NKD1: variants seen among roughly 807,000 people sequenced by gnomAD.
NKD1 encodes the protein NKD inhibitor of Wnt signaling pathway 1.
A neutral mutation model predicts 56.0 loss-of-function variants in NKD1; 21 were observed. The observed-to-expected ratio is 0.38, with a 90% CI of 0.27 to 0.54. The LOEUF (loss-of-function observed/expected upper bound fraction) is 0.54, where lower values mean the gene tolerates loss of function less well. Ranked by LOEUF, NKD1 falls within the 20% of genes least tolerant of loss-of-function variation. NKD1 has a pLI of 0.82. For synonymous variants in NKD1, 263 were observed against 265.7 expected (o/e 0.99, Z 0.10); for missense variants, 578 against 642.7 (o/e 0.90, Z 1.09).
At chr16:50,608,254 C>T in intron 3 of NKD1, 40 bp from the exon 4 acceptor site, 1 of 1,469,944 alleles carries the variant, frequency 6.8e-7, no homozygotes. Flanking sequence ...ACTGGGCTCC[C>T]CCAACCCCTG....
At chr16:50,548,956 C>A in intron 2 of NKD1, 1 of 968,398 alleles carries the variant, frequency 1.0e-6, no homozygotes, top group Non-Finnish European at 1.2e-6. Flanking sequence ...GCGCTCCCAC[C>A]GCTGACCCTC....
intron 3 of NKD1, among the ~76,000 whole-genome samples, chr16:50,564,999 A>G (rs953937081): frequency 6.6e-5 from 10 of 152,194 alleles, no homozygotes; most frequent in African/African-American, 2.2e-4. Context: ...CAGACAGCAG[A>G]AGCTGTCTTG....
At chr16:50,570,067 A>G (rs1205089918) in intron 3 of NKD1, among the ~76,000 whole-genome samples, 1 of 152,208 alleles carries the variant, frequency 6.6e-6, no homozygotes, top group African/African-American at 2.4e-5. Context: ...AAGGAAAAGT[A>G]TGTCAACTTT....
intron 3 of NKD1, among the ~76,000 whole-genome samples, chr16:50,554,490 G>A (rs1960458375): frequency 6.6e-6 from 1 of 152,110 alleles, no homozygotes; most frequent in Non-Finnish European, 1.5e-5. Context: ...CTCTTCCCTG[G>A]TCAGCTTCTT....
intron 3 of NKD1, among the ~76,000 whole-genome samples, chr16:50,599,552 G>A (rs777171860): frequency 6.6e-6 from 1 of 152,302 alleles, no homozygotes; most frequent in South Asian, 2.1e-4. Flanking sequence ...GCACTTGGTC[G>A]GTGATGCCCC....
At chr16:50,591,452 G>A (rs1024467868) in intron 3 of NKD1, among the ~76,000 whole-genome samples, 1 of 152,238 alleles carries the variant, frequency 6.6e-6, no homozygotes, top group African/African-American at 2.4e-5. Flanking sequence ...CAAGTGGGCA[G>A]TGGCCCTTCT....
chr16:50,597,600 C>T (rs1316459249), intron 3 of NKD1, among the ~76,000 whole-genome samples: 5 of 152,024 alleles, frequency 3.3e-5, no homozygotes, highest in African/African-American at 4.8e-5. Flanking sequence ...TTCTGGAAAA[C>T]GCACCTTTTT....
chr16:50,556,094 T>A (rs1960497167), intron 3 of NKD1: 1 of 152,196 alleles, frequency 6.6e-6, no homozygotes, highest in Non-Finnish European at 1.5e-5. Context: ...GCCTCAGTTG[T>A]TTAATCTGGA....
intron 3 of NKD1, chr16:50,571,025 T>C: frequency 1.0e-6 from 1 of 981,840 alleles, no homozygotes; most frequent in Non-Finnish European, 1.2e-6. Flanking sequence ...CCTGTCCCGC[T>C]GTCAGGGCCA....
chr16:50,603,057 G>A (rs1357420993), intron 3 of NKD1, among the ~76,000 whole-genome samples: 1 of 152,244 alleles, frequency 6.6e-6, no homozygotes, highest in Non-Finnish European at 1.5e-5. Context: ...GGGAAGAGGA[G>A]AGAAACTGAT....
intron 3 of NKD1, among the ~76,000 whole-genome samples, chr16:50,589,589 A>G (rs892819677): frequency 1.5e-4 from 23 of 152,196 alleles, no homozygotes; most frequent in Non-Finnish European, 1.8e-4. Flanking sequence ...CCGAGGGTTC[A>G]TCCCTCCAGA....
At chr16:50,615,050 C>G (rs1411977229) in intron 4 of NKD1, among the ~76,000 whole-genome samples, 1 of 152,096 alleles carries the variant, frequency 6.6e-6, no homozygotes, top group African/African-American at 2.4e-5. Flanking sequence ...TGGGATCAGT[C>G]TCCATAAACT....
At position 50,647,702 on chromosome 16, in the gene NKD1, G is replaced by A. The variant is rs1962706847; in HGVS notation, c.*13921G>A. ...CTGTGCATAGGCATAGGCTTCAGCA[G>A]AATTGCAGGTACTGGCAGTCGGAAA... is the stretch of plus-strand genomic sequence containing the variant. On this transcript the variant is annotated 3_prime_UTR_variant, in exon 10 of 10. Coordinates refer to ENST00000268459, the MANE Select transcript of NKD1 (RefSeq NM_033119.5). 6.6e-6 allele frequency: 1 copy of A among 152,264 alleles called. No homozygotes were observed. The highest frequency in any genetic ancestry group is 2.4e-5 in the African/African-American group (1 of 41,456). 9.4% of individuals were successfully genotyped at this position (152,264 alleles called of 1,614,324 possible). A position where few individuals can be genotyped will look rare whatever the true frequency, so the allele number is the denominator to read the frequency against.
chr16:50,594,844 G>C (rs1425681473), intron 3 of NKD1, among the ~76,000 whole-genome samples: 1 of 152,148 alleles, frequency 6.6e-6, no homozygotes, highest in African/African-American at 2.4e-5. Context: ...TGCACACGGT[G>C]CCCTGGGGAG....
intron 3 of NKD1, among the ~76,000 whole-genome samples, chr16:50,580,319 C>T (rs753497791): frequency 1.4e-4 from 22 of 152,268 alleles, no homozygotes; most frequent in Non-Finnish European, 3.2e-4. Flanking sequence ...CCACACATGC[C>T]AGGGCCTGCC....
intron 3 of NKD1, among the ~76,000 whole-genome samples, chr16:50,560,826 C>CTATCTATCTATG (rs1184262633): frequency 3.7e-4 from 56 of 151,394 alleles, no homozygotes; most frequent in African/African-American, 1.3e-3. Context: ...CCAAACCCAT[C>CTATCTATCTATG]TATCTATCTA....
rs535020345 is a variant in NKD1 at position 50,566,001 on chromosome 16, C to T, written c.192+16446C>T. Reference sequence around the variant, plus strand: ...GCTTCCACCCCTTGCCCTGTGCCCCCGACACACACTGCACATCCTGATATG... The same window carrying T: ...GCTTCCACCCCTTGCCCTGTGCCCCTGACACACACTGCACATCCTGATATG... On this transcript the variant is annotated intron_variant, in intron 3 of 9. Transcript: ENST00000268459. 80 of 211,518 alleles carry T rather than the reference C, an allele frequency of 3.8e-4. 2 individuals are homozygous for T. The South Asian group carries it at 0.012, about 31-fold the overall frequency. The allele number at this position is 211,518 out of a possible 1,614,324, so 13.1% of individuals were successfully genotyped here.
Position 50,637,582 on chromosome 16 carries a change from G to T in NKD1, c.*3801G>T, listed in dbSNP as rs1416173359. On this transcript the variant is annotated 3_prime_UTR_variant, in exon 10 of 10. Coordinates refer to ENST00000268459, the MANE Select transcript of NKD1 (RefSeq NM_033119.5). ...GACTCCATCTCAAATAAATAAAGAGGTTATACTGAATAATGAGGAATCAAA... is the reference window on the plus strand; with the variant it reads ...GACTCCATCTCAAATAAATAAAGAGTTTATACTGAATAATGAGGAATCAAA... 1 of 152,110 alleles carries T rather than the reference G, an allele frequency of 6.6e-6. No individual in the cohort carries two copies. The highest frequency in any genetic ancestry group is 1.5e-5 in the Non-Finnish European group (1 of 68,058). The allele number at this position is 152,110 out of a possible 1,614,324, so 9.4% of individuals were successfully genotyped here. A position where few individuals can be genotyped will look rare whatever the true frequency, so the allele number is the denominator to read the frequency against.
intron 3 of NKD1, among the ~76,000 whole-genome samples, chr16:50,595,786 C>T (rs1316845791): frequency 4.6e-5 from 7 of 152,190 alleles, no homozygotes; most frequent in Admixed American, 1.3e-4. Flanking sequence ...GCTGACCATA[C>T]GGACTCTCCC....
Sources: gnomAD v4.1 joint callset for allele counts (sites outside exome capture counted in the v4.1 genomes callset) on GRCh38, gnomAD v4.1.1 for gene constraint, MANE v1.5 for transcripts, NCBI Gene and HGNC (gene_info 2026-07-23, HGNC 2026-07-21) for gene names.